BRINP3: variants seen among roughly 807,000 people sequenced by gnomAD.
The protein encoded by BRINP3 is BMP/retinoic acid inducible neural specific 3, also known as BMP/retinoic acid-inducible neural-specific protein 3.
In BRINP3, 19 loss-of-function variants were observed where a neutral mutation model predicts 71.0. The observed-to-expected ratio is 0.27, with a 90% CI of 0.19 to 0.39. BRINP3 has a LOEUF of 0.39. Ranked by LOEUF, BRINP3 falls within the 10% of genes least tolerant of loss-of-function variation. BRINP3 has a pLI of 1.00. For missense variants in BRINP3, 959 were observed against 940.8 expected (o/e 1.02, Z -0.25); for synonymous variants, 380 against 337.7 (o/e 1.13, Z -1.37).
chr1:190,457,839 T>C (rs1441059045), intron 1 of BRINP3, among the ~76,000 whole-genome samples: 1 of 152,036 alleles, frequency 6.6e-6, no homozygotes, highest in African/African-American at 2.4e-5. Context: ...TTTCAATAGG[T>C]GAATTACCCA....
chr1:190,179,880 A>G (rs1182210248), intron 6 of BRINP3, among the ~76,000 whole-genome samples: 2 of 152,114 alleles, frequency 1.3e-5, no homozygotes, highest in Non-Finnish European at 2.9e-5. Flanking sequence ...CTCAGCAACC[A>G]TCTGACCTTA....
In BRINP3 at chr1:190,357,604, A is replaced by T. The variant is rs140434553; in HGVS notation, c.237-75854T>A. On this transcript the variant is annotated intron_variant, in intron 2 of 7. Coordinates refer to ENST00000367462, the MANE Select transcript of BRINP3 (RefSeq NM_199051.3). ...GTATAGTTTGAAGTCAGGTAGCATG[A>T]TGCCTCCAGCTTTGTTCTTTTGGCT... Among the ~76,000 whole-genome samples, 1,351 of 152,072 alleles carry T rather than the reference A, an allele frequency of 8.9e-3. 31 individuals carry two copies. Among genetic ancestry groups the T allele is most frequent in the African/African-American group, 0.03 (1,238 of 41,436 alleles).
intron 7 of BRINP3, among the ~76,000 whole-genome samples, chr1:190,106,026 T>TA (rs1652130999): frequency 6.6e-6 from 1 of 151,890 alleles, no homozygotes; most frequent in African/African-American, 2.4e-5. Context: ...TCATATATAT[T>TA]AAAATAAAAA....
chr1:190,262,261 G>C (rs11577601), intron 4 of BRINP3, among the ~76,000 whole-genome samples: 1 of 152,058 alleles, frequency 6.6e-6, no homozygotes, highest in Non-Finnish European at 1.5e-5. Context: ...CCTTGGCCTG[G>C]AAAATCATCA....
At chr1:190,412,822 A>AT (rs1287800197) in intron 2 of BRINP3, among the ~76,000 whole-genome samples, 2 of 152,138 alleles carry the variant, frequency 1.3e-5, no homozygotes, top group South Asian at 4.1e-4. Context: ...TGTTAAAAAA[A>AT]TTTTGGTAAA....
chr1:190,230,532 T>TA (rs1265482554), intron 5 of BRINP3, among the ~76,000 whole-genome samples: 1 of 151,922 alleles, frequency 6.6e-6, no homozygotes, highest in Non-Finnish European at 1.5e-5. Context: ...TATTTTACAA[T>TA]AAAAATATTA....
intron 2 of BRINP3, among the ~76,000 whole-genome samples, chr1:190,408,049 T>C (rs1452950580): frequency 1.7e-5 from 2 of 120,062 alleles, no homozygotes; most frequent in Non-Finnish European, 3.2e-5. Flanking sequence ...TGAGATGGAG[T>C]CTCGCTCTGT....
chr1:190,373,434 A>ATATG lies in BRINP3; in HGVS notation c.236+81220_236+81221insCATA, dbSNP rs972212278. On this transcript the variant is annotated intron_variant, in intron 2 of 7. Coordinates refer to ENST00000367462, the MANE Select transcript of BRINP3 (RefSeq NM_199051.3). ...GATAATTCCTTAATTATATATATAT[A>ATATG]TGTGTGTGTGTGTGTGTGTGTGTGT... Among the ~76,000 whole-genome samples the ATATG allele has an allele frequency of 1.6e-4, 23 of 143,920 alleles. No homozygotes were observed. The South Asian group carries it at 2.0e-3, about 12-fold the overall frequency. The allele number at this position is 143,920 out of a possible 152,430, so 94.4% of individuals were successfully genotyped here. A position where few individuals can be genotyped will look rare whatever the true frequency, so the allele number is the denominator to read the frequency against.
At chr1:190,212,657 T>C (rs1044939332) in intron 6 of BRINP3, among the ~76,000 whole-genome samples, 2 of 152,114 alleles carry the variant, frequency 1.3e-5, no homozygotes, top group African/African-American at 4.8e-5. Context: ...CTCTGTTTCC[T>C]TTCAAATTAG....
intron 6 of BRINP3, among the ~76,000 whole-genome samples, chr1:190,205,516 G>T (rs75541396): frequency 0.012 from 1,866 of 152,106 alleles, 112 homozygotes; most frequent in Admixed American, 0.088. Context: ...TTGGGCAAAA[G>T]GTGCATTAAT....
At chr1:190,360,950 G>A (rs1202867630) in intron 2 of BRINP3, among the ~76,000 whole-genome samples, 1 of 152,148 alleles carries the variant, frequency 6.6e-6, no homozygotes, top group Non-Finnish European at 1.5e-5. Flanking sequence ...TGGAAGAGTA[G>A]TCAGGGAAAG....
intron 6 of BRINP3, among the ~76,000 whole-genome samples, chr1:190,162,084 G>A (rs931662924): frequency 2.0e-5 from 3 of 151,790 alleles, no homozygotes; most frequent in African/African-American, 7.3e-5. Context: ...AACTAAGCAA[G>A]GTAACAGTAC....
chr1:190,428,413 C>G (rs1673865577), intron 2 of BRINP3, among the ~76,000 whole-genome samples: 1 of 151,682 alleles, frequency 6.6e-6, no homozygotes, highest in South Asian at 2.1e-4. Context: ...TCTTTATTAT[C>G]AATACCTCAT....
At chr1:190,175,311 T>A (rs1652408457) in intron 6 of BRINP3, among the ~76,000 whole-genome samples, 1 of 152,160 alleles carries the variant, frequency 6.6e-6, no homozygotes, top group African/African-American at 2.4e-5. Flanking sequence ...AAATAATACT[T>A]CACTATTGTG....
chr1:190,277,107 ATATATATATATT>A (rs1182005800), intron 3 of BRINP3, among the ~76,000 whole-genome samples: 3 of 120,210 alleles, frequency 2.5e-5, no homozygotes, highest in Non-Finnish European at 5.4e-5. Flanking sequence ...ATATATATAT[ATATATATATATT>A]TATATTCAGA....
intron 2 of BRINP3, among the ~76,000 whole-genome samples, chr1:190,400,827 G>C (rs1468105215): frequency 6.6e-6 from 1 of 152,152 alleles, no homozygotes; most frequent in African/African-American, 2.4e-5. Flanking sequence ...TGGTGACATT[G>C]ATTCAGAAAC....
intron 1 of BRINP3, among the ~76,000 whole-genome samples, chr1:190,465,186 A>T (rs887656324): frequency 3.9e-5 from 6 of 152,066 alleles, no homozygotes; most frequent in African/African-American, 1.4e-4. Flanking sequence ...TGATCATATA[A>T]GAAAATATCA....
intron 1 of BRINP3, among the ~76,000 whole-genome samples, chr1:190,461,042 A>T (rs1251707273): frequency 2.0e-5 from 3 of 152,218 alleles, no homozygotes; most frequent in Non-Finnish European, 4.4e-5. Flanking sequence ...TTTTTACTAC[A>T]GTCAGAGTGA....
intron 6 of BRINP3, among the ~76,000 whole-genome samples, chr1:190,173,153 C>T (rs953936635): frequency 1.3e-5 from 2 of 152,086 alleles, no homozygotes; most frequent in Admixed American, 6.6e-5. Flanking sequence ...AATGCAGCTG[C>T]GGCTAGTTTT....
Sources: allele counts gnomAD v4.1 joint callset (sites outside exome capture counted in the v4.1 genomes callset), GRCh38; gene constraint gnomAD v4.1.1; transcripts MANE v1.5; gene names NCBI Gene and HGNC (gene_info 2026-07-23, HGNC 2026-07-21).